EIF4A3: variants seen among roughly 807,000 people sequenced by gnomAD.
EIF4A3 encodes eukaryotic translation initiation factor 4A3.
A neutral mutation model predicts 55.6 loss-of-function variants in EIF4A3; 1 was observed. The observed-to-expected ratio is 0.02, with a 90% CI of 0.01 to 0.09. The LOEUF (loss-of-function observed/expected upper bound fraction) is 0.09, where lower values mean the gene tolerates loss of function less well. Ranked by LOEUF, EIF4A3 falls within the 10% of genes least tolerant of loss-of-function variation. The pLI, the probability that EIF4A3 is intolerant of heterozygous loss-of-function variation, is 1.00. For missense variants in EIF4A3, 221 were observed against 540.7 expected (o/e 0.41, Z 5.86); for synonymous variants, 194 against 196.3 (o/e 0.99, Z 0.10).
Position 80,134,532 on chromosome 17 carries a change from A to T in EIF4A3, c.*958T>A, listed in dbSNP as rs939678426. On this transcript the variant is annotated 3_prime_UTR_variant, in exon 12 of 12. Coordinates refer to ENST00000649764, the MANE Select transcript of EIF4A3 (RefSeq NM_014740.4). ...AAAAAAACAACAAAAAAAAAAAATTAGAAAAATGAGGCCAGGCATGGTGGC... is the reference window on the plus strand; with the variant it reads ...AAAAAAACAACAAAAAAAAAAAATTTGAAAAATGAGGCCAGGCATGGTGGC... 2.0e-5 allele frequency among the ~76,000 whole-genome samples: 3 copies of T among 151,982 alleles called. No individual in the cohort carries two copies. The highest frequency in any genetic ancestry group is 1.3e-4 in the Admixed American group (2 of 15,252).
chr17:80,138,523 T>G, intron 7 of EIF4A3: 1 of 461,688 alleles, frequency 2.2e-6, no homozygotes, highest in East Asian at 3.3e-5. Context: ...AACGAAACAC[T>G]GATAAATAAA....
intron 1 of EIF4A3, among the ~76,000 whole-genome samples, chr17:80,145,128 C>T (rs553609774): frequency 6.6e-6 from 1 of 152,270 alleles, no homozygotes; most frequent in East Asian, 1.9e-4. Context: ...AAACTAACAA[C>T]AGTGTCTTAG....
chr17:80,138,880 G>A (rs1208828274), intron 7 of EIF4A3, 141 bp downstream of exon 7: 26 of 1,107,076 alleles, frequency 2.3e-5, no homozygotes, highest in Non-Finnish European at 3.0e-5. Context: ...CAGGCAAGAG[G>A]ATAGCCTGAG....
Position 80,138,186 on chromosome 17 carries a change from G to C in EIF4A3, c.823C>G (p.Leu275Val). ...FDTLCDLYDT[L>V]TITQAVIFCN... Reference sequence around the variant, plus strand: ...AAGATGACCGCCTGAGTGATGGTCAGTGTGTCGTAGAGGTCACACAGAGTG... The same window carrying C: ...AAGATGACCGCCTGAGTGATGGTCACTGTGTCGTAGAGGTCACACAGAGTG... The change falls in exon 8 of 12, where the codon CTG (leucine) becomes GTG (valine). Residue 275 changes from leucine (L) to valine (V), a missense_variant. Coordinates refer to ENST00000649764, the MANE Select transcript of EIF4A3 (RefSeq NM_014740.4). 1 of 1,614,140 alleles carries C rather than the reference G, an allele frequency of 6.2e-7. No individual in the cohort carries two copies. Among genetic ancestry groups the C allele is most frequent in the Non-Finnish European group, 8.5e-7 (1 of 1,180,030 alleles).
At chr17:80,139,985 T>C in intron 5 of EIF4A3, 23 bp downstream of exon 5, 1 of 1,605,770 alleles carries the variant, frequency 6.2e-7, no homozygotes, top group Non-Finnish European at 8.5e-7. Context: ...GGCAGCACCA[T>C]TTTTAGCGAC....
rs2039583447 is a variant in EIF4A3 at position 80,137,620 on chromosome 17, T to TA, written c.868-120dup. The TA allele has an allele frequency of 3.9e-6, 3 of 766,576 alleles. No individual in the cohort carries two copies. The South Asian group carries it at 5.6e-5, about 14-fold the overall frequency. 47.5% of individuals were successfully genotyped at this position (766,576 alleles called of 1,614,324 possible). ...TCAATATTCGTAAGGTAACTGCTCT[T>TA]AAAACTCAGAATCATCCTAACTGGA... On this transcript the variant is annotated intron_variant, in intron 8 of 11. Coordinates refer to ENST00000649764, the MANE Select transcript of EIF4A3 (RefSeq NM_014740.4).
chr17:80,142,541 C>T (rs372606396), intron 2 of EIF4A3, among the ~76,000 whole-genome samples: 46 of 152,212 alleles, frequency 3.0e-4, no homozygotes, highest in Middle Eastern at 6.8e-3. Flanking sequence ...GCCAGGAATT[C>T]GAGACCAGCC....
intron 8 of EIF4A3, 38 bp downstream of exon 8, chr17:80,138,104 T>C (rs1318650590): frequency 6.3e-7 from 1 of 1,591,784 alleles, no homozygotes; most frequent in Non-Finnish European, 8.6e-7. Context: ...AATCTGCAGT[T>C]TCCCTTCAGC....
chr17:80,135,215 A>T lies in EIF4A3; in HGVS notation c.*275T>A. On this transcript the variant is annotated 3_prime_UTR_variant, in exon 12 of 12. Transcript: ENST00000649764. Reference sequence around the variant, plus strand: ...GTGAAATGACCCAAGACTACACAGTAAGTTACTAGAGAAGGTGGTGGCACC... The same window carrying T: ...GTGAAATGACCCAAGACTACACAGTTAGTTACTAGAGAAGGTGGTGGCACC... 1 of 379,048 alleles carries T rather than the reference A, an allele frequency of 2.6e-6. No homozygotes were observed. The highest frequency in any genetic ancestry group is 8.6e-5 in the South Asian group (1 of 11,692). The allele number at this position is 379,048 out of a possible 1,614,324, so 23.5% of individuals were successfully genotyped here. A position where few individuals can be genotyped will look rare whatever the true frequency, so the allele number is the denominator to read the frequency against.
At chr17:80,140,249 CATT>C (rs2039606317) in intron 4 of EIF4A3, 109 bp from the exon 5 acceptor site, 1 of 1,295,194 alleles carries the variant, frequency 7.7e-7, no homozygotes, top group Non-Finnish European at 1.0e-6. Flanking sequence ...TTATTTATGC[CATT>C]ATTATCTCGA....
chr17:80,144,105 A>G, intron 2 of EIF4A3, 67 bp downstream of exon 2: 1 of 1,435,828 alleles, frequency 7.0e-7, no homozygotes, highest in Non-Finnish European at 9.8e-7. Flanking sequence ...GTCATCCCAG[A>G]GCATCTAACT....
chr17:80,136,613 G>A (rs758292337), intron 9 of EIF4A3: 13 of 434,494 alleles, frequency 3.0e-5, no homozygotes, highest in African/African-American at 6.0e-5. Flanking sequence ...TTGTTTAATC[G>A]GTCCTAAACC....
chr17:80,135,096 G>A lies in EIF4A3; in HGVS notation c.*394C>T, dbSNP rs896181621. On this transcript the variant is annotated 3_prime_UTR_variant, in exon 12 of 12. Coordinates refer to ENST00000649764, the MANE Select transcript of EIF4A3 (RefSeq NM_014740.4). Reference sequence around the variant, plus strand: ...GAACCCAGGAAGTGGAGCTTGCGGTGAGAGGAGATCACGCCACTGCGCTCC... The same window carrying A: ...GAACCCAGGAAGTGGAGCTTGCGGTAAGAGGAGATCACGCCACTGCGCTCC... The A allele has an allele frequency of 8.7e-5, 14 of 160,278 alleles. 1 individual carries two copies. Among genetic ancestry groups the A allele is most frequent in the Admixed American group, 1.3e-4 (2 of 15,494 alleles). 9.9% of individuals were successfully genotyped at this position (160,278 alleles called of 1,614,324 possible). A position where few individuals can be genotyped will look rare whatever the true frequency, so the allele number is the denominator to read the frequency against.
intron 6 of EIF4A3, 170 bp downstream of exon 6, chr17:80,139,495 TAAATA>T: frequency 4.5e-6 from 3 of 669,142 alleles, no homozygotes; most frequent in Non-Finnish European, 7.4e-6. Flanking sequence ...AATGAACAAA[TAAATA>T]AAATCAAGGT....
intron 8 of EIF4A3, 163 bp from the exon 9 acceptor site, chr17:80,137,664 G>T: frequency 1.7e-6 from 1 of 605,078 alleles, no homozygotes; most frequent in Non-Finnish European, 2.9e-6. Context: ...CTTTTTCCCA[G>T]AAAATGTTGG....
In EIF4A3 at chr17:80,141,492, T is replaced by C. The variant is rs530388975; in HGVS notation, c.310-111A>G. The C allele has an allele frequency of 1.4e-5, 16 of 1,126,732 alleles. No homozygotes were observed. The East Asian group carries it at 4.1e-4, about 29-fold the overall frequency. 69.8% of individuals were successfully genotyped at this position (1,126,732 alleles called of 1,614,324 possible). A position where few individuals can be genotyped will look rare whatever the true frequency, so the allele number is the denominator to read the frequency against. ...AATACTATCTCATATTAATCATACT[T>C]CTCATCTCTTACAGGTTAGCAAATA... On this transcript the variant is annotated intron_variant, in intron 3 of 11. Transcript: ENST00000649764.
chr17:80,138,400 G>A, intron 7 of EIF4A3, 120 bp from the exon 8 acceptor site: 2 of 1,256,828 alleles, frequency 1.6e-6, no homozygotes, highest in South Asian at 1.4e-5. Flanking sequence ...ATCTGGTGCA[G>A]ACCCAGCAGC....
chr17:80,139,534 C>A, intron 6 of EIF4A3, 136 bp downstream of exon 6: 2 of 813,310 alleles, frequency 2.5e-6, no homozygotes, highest in Non-Finnish European at 3.8e-6. Flanking sequence ...TCATAATTGC[C>A]AAGGCACAAT....
intron 11 of EIF4A3, 25 bp downstream of exon 11, chr17:80,135,979 A>T (rs2039567172): frequency 1.2e-6 from 2 of 1,607,894 alleles, no homozygotes; most frequent in Admixed American, 1.7e-5. Flanking sequence ...CTCTACAATT[A>T]CAGTAGAGCT....
Sources: gnomAD v4.1 joint callset for allele counts (sites outside exome capture counted in the v4.1 genomes callset) on GRCh38, gnomAD v4.1.1 for gene constraint, MANE v1.5 for transcripts, NCBI Gene and HGNC (gene_info 2026-07-23, HGNC 2026-07-21) for gene names.